The following HERC2 variants were observed in gnomAD, a reference collection of about 807,000 sequenced individuals.
The protein encoded by HERC2 is HECT and RLD domain containing E3 ubiquitin protein ligase 2.
In HERC2, 102 loss-of-function variants were observed where a neutral mutation model predicts 537.7. That is an observed-to-expected ratio of 0.19 (90% CI 0.16 to 0.22). The LOEUF (loss-of-function observed/expected upper bound fraction) is 0.22. Ranked by LOEUF, HERC2 falls within the 10% of genes least tolerant of loss-of-function variation. HERC2 has a pLI of 1.00. For missense variants in HERC2, 4,236 were observed against 6,198.2 expected (o/e 0.68, Z 10.63); for synonymous variants, 2,224 against 2,466.2 (o/e 0.90, Z 2.91).
At chr15:28,291,233 G>A (rs143985555) in intron 4 of HERC2, among the ~76,000 whole-genome samples, 22 of 152,090 alleles carry the variant, frequency 1.4e-4, no homozygotes, top group Non-Finnish European at 2.4e-4. Flanking sequence ...CCCCAAATAC[G>A]AATTTTTTTT....
chr15:28,190,911 A>T, intron 55 of HERC2, 54 bp downstream of exon 55: 2 of 1,218,206 alleles, frequency 1.6e-6, no homozygotes, highest in Non-Finnish European at 2.4e-6. Context: ...TGGCCAAGTC[A>T]CCTCCCTTGT....
chr15:28,305,688 T>G (rs2076766260), intron 2 of HERC2, among the ~76,000 whole-genome samples: 1 of 128,518 alleles, frequency 7.8e-6, no homozygotes, highest in African/African-American at 2.9e-5. Flanking sequence ...GGGATCTAAT[T>G]AAACTAAAGA....
In HERC2 at chr15:28,176,304, G is replaced by C. The variant is rs1263056297; in HGVS notation, c.9686+124C>G. The stretch of plus-strand genomic sequence containing the variant: ...AACTCAATATCCTTTAAAGGACAAA[G>C]ATGCATGCATAAGTAAAAAGAGGAC... On this transcript the variant is annotated intron_variant, in intron 63 of 92. Transcript: ENST00000261609. This position sits in a 1 kb window ranked among gnomAD's most constrained non-coding sequence, Gnocchi z 5.0. 2 of 757,328 alleles carry C rather than the reference G, an allele frequency of 2.6e-6. No homozygotes were observed. The highest frequency in any genetic ancestry group is 4.4e-6 in the Non-Finnish European group (2 of 458,078). 46.9% of individuals were successfully genotyped at this position (757,328 alleles called of 1,614,324 possible).
chr15:28,205,254 A>G (rs1264551948), intron 45 of HERC2, among the ~76,000 whole-genome samples: 1 of 132,696 alleles, frequency 7.5e-6, no homozygotes, highest in African/African-American at 3.0e-5. Context: ...ACGGCCTTCC[A>G]GTTGTTCACA....
intron 2 of HERC2, among the ~76,000 whole-genome samples, chr15:28,300,950 C>T (rs2076606997): frequency 6.8e-6 from 1 of 147,908 alleles, no homozygotes; most frequent in South Asian, 2.2e-4. Flanking sequence ...AATATATTTG[C>T]TTACTCTGTT....
At chr15:28,315,993 G>T (rs2077072162) in intron 2 of HERC2, 2 of 362,748 alleles carry the variant, frequency 5.5e-6, no homozygotes, top group South Asian at 4.5e-5. Flanking sequence ...TGACATTCTG[G>T]ACTATTTCTG....
At chr15:28,216,853 GCATA>G (rs1899960854) in intron 38 of HERC2, among the ~76,000 whole-genome samples, 1 of 149,716 alleles carries the variant, frequency 6.7e-6, no homozygotes, top group Non-Finnish European at 1.5e-5. Flanking sequence ...CCCTCCCAAT[GCATA>G]CAAAAACTCA....
intron 20 of HERC2, among the ~76,000 whole-genome samples, chr15:28,252,592 C>T (rs568783663): frequency 6.6e-6 from 1 of 152,278 alleles, no homozygotes; most frequent in African/African-American, 2.4e-5. Flanking sequence ...CCTATAGTTA[C>T]TGTGTTGGAA....
At chr15:28,257,942 C>A (rs2075310428) in intron 16 of HERC2, among the ~76,000 whole-genome samples, 1 of 151,852 alleles carries the variant, frequency 6.6e-6, no homozygotes, top group South Asian at 2.1e-4. Context: ...CCTCAGCCTC[C>A]CAAAGTGCTG....
intron 5 of HERC2, among the ~76,000 whole-genome samples, chr15:28,278,611 A>C (rs2075941296): frequency 6.6e-6 from 1 of 152,214 alleles, no homozygotes; most frequent in Non-Finnish European, 1.5e-5. Context: ...ATTTAAACAT[A>C]AGGAAACAAA....
intron 84 of HERC2, 113 bp from the exon 85 acceptor site, chr15:28,124,347 G>T: frequency 1.6e-6 from 1 of 641,328 alleles, no homozygotes; most frequent in Non-Finnish European, 2.4e-6. Flanking sequence ...GAAGCACTAT[G>T]GTGTCTGAGT....
intron 83 of HERC2, among the ~76,000 whole-genome samples, chr15:28,128,188 T>C (rs7495989): frequency 0.85 from 129,251 of 152,226 alleles, 58,322 homozygotes; most frequent in Non-Finnish European, 0.99. Flanking sequence ...GAAACGATGA[T>C]GCCAGGCACT....
chr15:28,128,401 G>C (rs1889736769), intron 83 of HERC2, among the ~76,000 whole-genome samples: 1 of 152,196 alleles, frequency 6.6e-6, no homozygotes, highest in Admixed American at 6.5e-5. Context: ...GGATAAGCAA[G>C]TTCTAGGTAA....
chr15:28,253,532 T>C (rs2075152448), intron 20 of HERC2, among the ~76,000 whole-genome samples: 2 of 152,240 alleles, frequency 1.3e-5, no homozygotes, highest in South Asian at 2.1e-4. Flanking sequence ...CTCACCTATA[T>C]TGAAAAGGGT....
At chr15:28,223,864 A>C (rs1487015072) in intron 35 of HERC2, among the ~76,000 whole-genome samples, 1 of 152,148 alleles carries the variant, frequency 6.6e-6, no homozygotes, top group East Asian at 1.9e-4. Flanking sequence ...AAATTTAAAC[A>C]CATGAATACT....
At chr15:28,146,668 A>T (rs1891774581) in intron 70 of HERC2, among the ~76,000 whole-genome samples, 1 of 151,114 alleles carries the variant, frequency 6.6e-6, no homozygotes, top group Non-Finnish European at 1.5e-5. Flanking sequence ...GGCTGTGGGA[A>T]TGCCCAGTGT....
chr15:28,296,402 G>A (rs540761221), intron 3 of HERC2, among the ~76,000 whole-genome samples: 1 of 152,216 alleles, frequency 6.6e-6, no homozygotes, highest in East Asian at 1.9e-4. Flanking sequence ...GAACCGGGGA[G>A]GCAGTGGTTG....
intron 26 of HERC2, among the ~76,000 whole-genome samples, chr15:28,236,423 T>C (rs146915810): frequency 0.012 from 1,801 of 151,982 alleles, 33 homozygotes; most frequent in African/African-American, 0.042. Flanking sequence ...CCCGAGTAAC[T>C]GGGATTACAG....
Position 28,176,296 on chromosome 15 carries a change from A to G in HERC2, c.9686+132T>C. The G allele has an allele frequency of 2.8e-6, 2 of 712,234 alleles. No homozygotes were observed. The highest frequency in any genetic ancestry group is 2.3e-6 in the Non-Finnish European group (1 of 426,162). 44.1% of individuals were successfully genotyped at this position (712,234 alleles called of 1,614,324 possible). A position where few individuals can be genotyped will look rare whatever the true frequency, so the allele number is the denominator to read the frequency against. Reference sequence around the variant, plus strand: ...CTAATCCCAACTCAATATCCTTTAAAGGACAAAGATGCATGCATAAGTAAA... The same window carrying G: ...CTAATCCCAACTCAATATCCTTTAAGGGACAAAGATGCATGCATAAGTAAA... On this transcript the variant is annotated intron_variant, in intron 63 of 92. Coordinates refer to ENST00000261609, the MANE Select transcript of HERC2 (RefSeq NM_004667.6). The surrounding 1 kb of genome is among the most constrained non-coding windows in gnomAD (Gnocchi z 5.0).
Sources: gnomAD v4.1 joint callset for allele counts (sites outside exome capture counted in the v4.1 genomes callset) on GRCh38, gnomAD v4.1.1 for gene constraint, Gnocchi (gnomAD v3.1) non-coding constraint, MANE v1.5 for transcripts, NCBI Gene and HGNC (gene_info 2026-07-23, HGNC 2026-07-21) for gene names.